Variants in CNTNAP2 observed in about 807,000 individuals in gnomAD.
CNTNAP2 encodes the protein contactin-associated protein-like 2.
CNTNAP2 carries 98 observed loss-of-function variants against 155.2 expected under a neutral mutation model. The observed-to-expected ratio is 0.63, with a 90% confidence interval of 0.54 to 0.75. The LOEUF (loss-of-function observed/expected upper bound fraction) is 0.75, where lower values mean the gene tolerates loss of function less well. Ranked by LOEUF, CNTNAP2 falls within the 30% of genes least tolerant of loss-of-function variation. The pLI, the probability that CNTNAP2 is intolerant of heterozygous loss-of-function variation, is 0.00. For missense variants in CNTNAP2, 1,727 were observed against 1,688.1 expected, an observed-to-expected ratio of 1.02 and a Z score of -0.40; for synonymous variants, 651 against 631.2, an observed-to-expected ratio of 1.03 and a Z score of -0.47.
At chr7:146,463,672 T>G (rs1268474567) in intron 1 of CNTNAP2, among the ~76,000 whole-genome samples, 1 of 152,126 alleles carries the variant, frequency 6.6e-6, no homozygotes, top group Admixed American at 6.6e-5. Flanking sequence ...TGTGCATGTA[T>G]GCATGTATAT....
intron 9 of CNTNAP2, among the ~76,000 whole-genome samples, chr7:147,307,593 C>G (rs1353147107): frequency 1.3e-5 from 2 of 151,608 alleles, no homozygotes; most frequent in East Asian, 3.9e-4. Context: ...CCCACCTGCC[C>G]CCCCAAAAAA....
rs1217439226 is a variant in CNTNAP2 at position 147,802,099 on chromosome 7, C to T, written c.2099-101466C>T. ...GCGGAGGGTCTCCTCACTTCTCAGA[C>T]GGGGCGGCCGGGCAGAGACGCTCCT... On this transcript the variant is annotated intron_variant, in intron 13 of 23. Coordinates refer to ENST00000361727, the MANE Select transcript of CNTNAP2 (RefSeq NM_014141.6). 8.6e-5 allele frequency among the ~76,000 whole-genome samples: 12 copies of T among 139,934 alleles called. No individual in the cohort carries two copies. In the East Asian group the frequency reaches 1.1e-3, roughly 13 times the overall value. The allele number at this position is 139,934 out of a possible 152,430, so 91.8% of individuals were successfully genotyped here.
intron 1 of CNTNAP2, among the ~76,000 whole-genome samples, chr7:146,668,909 C>T (rs895865953): frequency 6.6e-6 from 1 of 151,966 alleles, no homozygotes; most frequent in South Asian, 2.1e-4. Context: ...GCTAGTTAGC[C>T]CATATTGTAT....
intron 18 of CNTNAP2, among the ~76,000 whole-genome samples, chr7:148,189,709 G>A (rs1356559613): frequency 6.6e-6 from 1 of 152,170 alleles, no homozygotes; most frequent in African/African-American, 2.4e-5. Flanking sequence ...TTCTATTATA[G>A]CAGCACAAAA....
At chr7:146,765,358 C>A (rs1363456335) in intron 1 of CNTNAP2, among the ~76,000 whole-genome samples, 1 of 152,104 alleles carries the variant, frequency 6.6e-6, no homozygotes, top group East Asian at 1.9e-4. Flanking sequence ...TGGGATGAAG[C>A]CATTTCTCTT....
chr7:147,090,378 G>C (rs1800377234), intron 4 of CNTNAP2, among the ~76,000 whole-genome samples: 1 of 151,272 alleles, frequency 6.6e-6, no homozygotes, highest in African/African-American at 2.4e-5. Flanking sequence ...TTTACAACAA[G>C]GGCTGTACTG....
chr7:147,869,921 A>G (rs1019423853), intron 13 of CNTNAP2, among the ~76,000 whole-genome samples: 2 of 152,182 alleles, frequency 1.3e-5, no homozygotes, highest in Admixed American at 6.5e-5. Context: ...AAGATCATCC[A>G]GTAAGTATGT....
chr7:147,517,264 GTTC>G (rs1223285346), intron 11 of CNTNAP2, among the ~76,000 whole-genome samples: 1 of 152,150 alleles, frequency 6.6e-6, no homozygotes, highest in Non-Finnish European at 1.5e-5. Flanking sequence ...TTCACAAAGA[GTTC>G]TTCTTAATGC....
At chr7:147,142,677 C>CA (rs1395821272) in intron 8 of CNTNAP2, among the ~76,000 whole-genome samples, 3 of 152,092 alleles carry the variant, frequency 2.0e-5, no homozygotes, top group African/African-American at 7.2e-5. Context: ...GGGTGCAGCA[C>CA]ACCAACATGG....
intron 13 of CNTNAP2, among the ~76,000 whole-genome samples, chr7:147,889,502 GA>G (rs1037951746): frequency 3.5e-4 from 52 of 150,560 alleles, no homozygotes; most frequent in African/African-American, 6.6e-4. Context: ...AAATGAAAGA[GA>G]AAAAAAAATT....
At chr7:146,219,844 ATTATTT>A (rs1799178078) in intron 1 of CNTNAP2, among the ~76,000 whole-genome samples, 1 of 152,174 alleles carries the variant, frequency 6.6e-6, no homozygotes, top group Admixed American at 6.5e-5. Flanking sequence ...GACTGACATT[ATTATTT>A]TTATAATAGA....
chr7:147,609,653 G>T (rs1563020363), intron 12 of CNTNAP2, among the ~76,000 whole-genome samples: 1 of 152,062 alleles, frequency 6.6e-6, no homozygotes, highest in East Asian at 1.9e-4. Flanking sequence ...AAATAGAGGT[G>T]ATGTAGGGGT....
chr7:146,644,810 A>G (rs1269387661), intron 1 of CNTNAP2, among the ~76,000 whole-genome samples: 1 of 152,176 alleles, frequency 6.6e-6, no homozygotes, highest in Non-Finnish European at 1.5e-5. Flanking sequence ...ATAGACCAAG[A>G]ACAGGCTCTG....
intron 22 of CNTNAP2, among the ~76,000 whole-genome samples, chr7:148,388,460 G>C (rs1450568653): frequency 6.6e-6 from 1 of 151,960 alleles, no homozygotes; most frequent in Non-Finnish European, 1.5e-5. Context: ...CATGTCCCTA[G>C]AAAGGACATG....
At chr7:146,512,110 A>T (rs182752497) in intron 1 of CNTNAP2, among the ~76,000 whole-genome samples, 1 of 151,902 alleles carries the variant, frequency 6.6e-6, no homozygotes, top group East Asian at 1.9e-4. Flanking sequence ...GTATTTTGTG[A>T]TGTCATTAAA....
intron 3 of CNTNAP2, among the ~76,000 whole-genome samples, chr7:146,873,938 A>G (rs1446597834): frequency 6.6e-6 from 1 of 152,198 alleles, no homozygotes; most frequent in Non-Finnish European, 1.5e-5. Flanking sequence ...AAGAAAATAT[A>G]GCTTATATTA....
At chr7:147,491,661 T>G (rs1798611765) in intron 11 of CNTNAP2, among the ~76,000 whole-genome samples, 1 of 152,206 alleles carries the variant, frequency 6.6e-6, no homozygotes, top group Admixed American at 6.5e-5. Context: ...CAAGCATTCT[T>G]GAATGTCAAA....
At chr7:147,381,091 A>C (rs1189744566) in intron 9 of CNTNAP2, among the ~76,000 whole-genome samples, 1 of 152,138 alleles carries the variant, frequency 6.6e-6, no homozygotes, top group Non-Finnish European at 1.5e-5. Context: ...TCAAGCAAAC[A>C]CTAAATGACA....
At chr7:146,848,498 T>C (rs545609997) in intron 3 of CNTNAP2, among the ~76,000 whole-genome samples, 14 of 152,106 alleles carry the variant, frequency 9.2e-5, no homozygotes, top group Admixed American at 2.0e-4. Context: ...TATAAGTATA[T>C]TGTATGACTG....
Sources: allele counts gnomAD v4.1 joint callset (sites outside exome capture counted in the v4.1 genomes callset), GRCh38; gene constraint gnomAD v4.1.1; transcripts MANE v1.5; gene names NCBI Gene and HGNC (gene_info 2026-07-23, HGNC 2026-07-21).